The following NAV3 variants were observed in gnomAD, a reference collection of about 807,000 sequenced individuals.
NAV3 encodes the protein neuron navigator 3.
A neutral mutation model predicts 244.7 loss-of-function variants in NAV3; 87 were observed. The ratio of observed to expected loss-of-function variants is 0.36; its 90% confidence interval spans 0.30 to 0.42. The LOEUF (loss-of-function observed/expected upper bound fraction) is 0.42, where lower values mean the gene tolerates loss of function less well. Among genes scored for constraint, NAV3 ranks in the 20% least tolerant of loss-of-function variants. The probability of loss-of-function intolerance (pLI) is 1.00; values close to 1 mark genes in which losing one functional copy is unlikely to be tolerated. For synonymous variants in NAV3, 1,126 were observed against 1,042.2 expected, an observed-to-expected ratio of 1.08 and a Z score of -1.55; for missense variants, 2,663 against 2,893.3, an observed-to-expected ratio of 0.92 and a Z score of 1.83.
At chr12:78,186,704 T>C (rs1958736803) in intron 31 of NAV3, among the ~76,000 whole-genome samples, 2 of 151,922 alleles carry the variant, frequency 1.3e-5, no homozygotes, top group Non-Finnish European at 2.9e-5. Flanking sequence ...AAAGCTTCCA[T>C]GAAAGTACTT....
intron 1 of NAV3, among the ~76,000 whole-genome samples, chr12:77,847,399 G>T (rs1424916315): frequency 6.6e-6 from 1 of 152,096 alleles, no homozygotes; most frequent in East Asian, 1.9e-4. Flanking sequence ...GTTATCCCAG[G>T]CAGAAAATGA....
At position 78,059,971 on chromosome 12, in the gene NAV3, GTGTGTGTGTGTC is replaced by G. The variant is rs896966631; in HGVS notation, c.2636+868_2636+879del. 1.4e-4 allele frequency among the ~76,000 whole-genome samples: 22 copies of G among 151,916 alleles called. 1 individual carries two copies. The highest frequency in any genetic ancestry group is 1.4e-3 in the Admixed American group (21 of 15,232). ...TCAAATTTCTTAAAGATGTGTGTGT[GTGTGTGTGTGTC>G]TGTGTGTGTGTGATGAACTAATTAT... On this transcript the variant is annotated intron_variant, in intron 12 of 39. Coordinates refer to ENST00000397909, the MANE Select transcript of NAV3 (RefSeq NM_001024383.2).
chr12:78,209,783 A>T (rs570982605), intron 39 of NAV3, among the ~76,000 whole-genome samples: 1 of 152,164 alleles, frequency 6.6e-6, no homozygotes, highest in Non-Finnish European at 1.5e-5. Flanking sequence ...TGATGTATCA[A>T]TCATATTTTA....
intron 5 of NAV3, among the ~76,000 whole-genome samples, chr12:77,994,526 T>G (rs575105124): frequency 2.5e-5 from 2 of 79,796 alleles, no homozygotes; most frequent in South Asian, 3.2e-4. Context: ...AATAGTATTT[T>G]TAAAATATTA....
chr12:77,976,666 C>CTTTCTTTCTTTTTTTT (rs1446044531), intron 5 of NAV3, among the ~76,000 whole-genome samples: 2 of 58,062 alleles, frequency 3.4e-5, no homozygotes, highest in African/African-American at 1.3e-4. Flanking sequence ...TTCTTTCTTT[C>CTTTCTTTCTTTTTTTT]TTTTTTTCTT....
chr12:78,119,029 C>T (rs755933902), intron 14 of NAV3, among the ~76,000 whole-genome samples: 2 of 152,176 alleles, frequency 1.3e-5, no homozygotes, highest in Non-Finnish European at 2.9e-5. Context: ...CATTTTATCT[C>T]TTCCATCTCT....
chr12:77,699,787 A>G (rs1456903668), intron 2 of NAV3, among the ~76,000 whole-genome samples: 6 of 73,300 alleles, frequency 8.2e-5, no homozygotes, highest in South Asian at 8.6e-4. Flanking sequence ...TGTCTGCATG[A>G]CCTTTTTTTT....
chr12:78,112,558 A>AG (rs2138426004), intron 12 of NAV3, among the ~76,000 whole-genome samples: 1 of 152,014 alleles, frequency 6.6e-6, no homozygotes, highest in Admixed American at 6.5e-5. Flanking sequence ...AGGGGGAAAA[A>AG]CCCCTTATAA....
intron 5 of NAV3, among the ~76,000 whole-genome samples, chr12:77,991,148 C>A (rs980461957): frequency 6.6e-6 from 1 of 152,128 alleles, no homozygotes; most frequent in Non-Finnish European, 1.5e-5. Context: ...GCCTCAGCCT[C>A]CAAAGTAGCT....
At chr12:77,652,354 G>C (rs1872862911) in intron 2 of NAV3, among the ~76,000 whole-genome samples, 1 of 152,098 alleles carries the variant, frequency 6.6e-6, no homozygotes, top group African/African-American at 2.4e-5. Flanking sequence ...AGTCCATAGA[G>C]CCTACTCCCT....
chr12:78,070,636 T>C (rs1241263375), intron 12 of NAV3, among the ~76,000 whole-genome samples: 2 of 151,614 alleles, frequency 1.3e-5, no homozygotes, highest in Admixed American at 6.6e-5. Flanking sequence ...TGTGCCATGC[T>C]GGTGCGCTGC....
intron 22 of NAV3, among the ~76,000 whole-genome samples, chr12:78,149,697 A>C (rs973976598): frequency 2.0e-5 from 3 of 152,088 alleles, no homozygotes; most frequent in South Asian, 2.1e-4. Context: ...TCCTTTGCTC[A>C]GTTCTGCTGC....
intron 2 of NAV3, among the ~76,000 whole-genome samples, chr12:77,601,525 G>A (rs1870427924): frequency 6.6e-6 from 1 of 151,944 alleles, no homozygotes; most frequent in African/African-American, 2.4e-5. Flanking sequence ...ATATCATAAA[G>A]GCTGAGATCA....
At chr12:78,028,895 T>G (rs60762373) in intron 9 of NAV3, among the ~76,000 whole-genome samples, 1 of 152,294 alleles carries the variant, frequency 6.6e-6, no homozygotes, top group African/African-American at 2.4e-5. Context: ...GAGGTGATCC[T>G]TCAATCGAAA....
chr12:77,594,315 A>G lies in NAV3; in HGVS notation c.72+22049A>G, dbSNP rs1436824402. Among the ~76,000 whole-genome samples, 3 of 151,880 alleles carry G rather than the reference A, an allele frequency of 2.0e-5. 1 individual carries two copies. The highest frequency in any genetic ancestry group is 6.6e-5 in the Admixed American group (1 of 15,258). The stretch of plus-strand genomic sequence containing the variant: ...ATTTTCATAGTTATCTATCTGTGCT[A>G]GAAAAAAAAAAAGATCAGTTTAGCC... On this transcript the variant is annotated intron_variant, in intron 2 of 8. Coordinates refer to the NAV3 transcript ENST00000550042.
At chr12:78,013,348 T>C (rs1028315859) in intron 8 of NAV3, among the ~76,000 whole-genome samples, 2 of 152,086 alleles carry the variant, frequency 1.3e-5, no homozygotes, top group South Asian at 2.1e-4. Flanking sequence ...AGATTTGTTA[T>C]ACTGAGGCTT....
At chr12:78,170,822 C>T (rs1231837077) in intron 24 of NAV3, among the ~76,000 whole-genome samples, 5 of 151,692 alleles carry the variant, frequency 3.3e-5, no homozygotes, top group Admixed American at 6.6e-5. Flanking sequence ...AGCAGTGAAC[C>T]TAAATATGTT....
chr12:77,967,056 A>C (rs1892585177), intron 4 of NAV3, among the ~76,000 whole-genome samples: 1 of 152,218 alleles, frequency 6.6e-6, no homozygotes, highest in South Asian at 2.1e-4. Flanking sequence ...TTAATGACCA[A>C]GAAGCTTAGG....
chr12:77,841,426 A>G (rs1875627146), intron 1 of NAV3, among the ~76,000 whole-genome samples: 1 of 152,232 alleles, frequency 6.6e-6, no homozygotes, highest in African/African-American at 2.4e-5. Flanking sequence ...TATGCAATCA[A>G]AATGGCATTG....
Sources: gnomAD v4.1 joint callset for allele counts (sites outside exome capture counted in the v4.1 genomes callset) on GRCh38, gnomAD v4.1.1 for gene constraint, MANE v1.5 for transcripts, NCBI Gene and HGNC (gene_info 2026-07-23, HGNC 2026-07-21) for gene names.